LINGO2: variants seen among roughly 807,000 people sequenced by gnomAD.
The protein encoded by LINGO2 is leucine rich repeat and Ig domain containing 2.
In LINGO2, 14 loss-of-function variants were observed where a neutral mutation model predicts 30.6. That is an observed-to-expected ratio of 0.46 (90% CI 0.30 to 0.72). The LOEUF is 0.72. LINGO2 is among the 30% of genes least tolerant of loss of function. LINGO2 has a pLI of 0.07. For synonymous variants in LINGO2, 317 were observed against 288.5 expected, an observed-to-expected ratio of 1.10 and a Z score of -1.00; for missense variants, 729 against 751.7, an observed-to-expected ratio of 0.97 and a Z score of 0.35.
chr9:28,440,967 T>C (rs896573569), intron 2 of LINGO2, among the ~76,000 whole-genome samples: 6 of 152,140 alleles, frequency 3.9e-5, no homozygotes, highest in Non-Finnish European at 4.4e-5. Flanking sequence ...CAAAAAAGCA[T>C]GTGTTGGAAA....
chr9:28,875,438 T>C, the LINGO2 span, among the ~76,000 whole-genome samples: 1 of 152,116 alleles, frequency 6.6e-6, no homozygotes, highest in African/African-American at 2.4e-5. Context: ...AAAAGGACTT[T>C]CACCTATATG....
At chr9:28,920,237 C>T in the LINGO2 span, among the ~76,000 whole-genome samples, 1 of 151,938 alleles carries the variant, frequency 6.6e-6, no homozygotes, top group Non-Finnish European at 1.5e-5. Context: ...CTGATGAAGT[C>T]TGGTACCAAT....
the LINGO2 span, among the ~76,000 whole-genome samples, chr9:29,046,987 G>T: frequency 6.7e-6 from 1 of 149,134 alleles, no homozygotes; most frequent in Non-Finnish European, 1.5e-5. Flanking sequence ...GCTGCGGCAG[G>T]AGAATCACTT....
intron 4 of LINGO2, among the ~76,000 whole-genome samples, chr9:28,236,645 C>A (rs537442956): frequency 6.6e-6 from 1 of 152,106 alleles, no homozygotes; most frequent in Non-Finnish European, 1.5e-5. Flanking sequence ...AAATAAACAT[C>A]ACATATTCTC....
At chr9:28,224,325 A>C (rs148151922) in intron 4 of LINGO2, among the ~76,000 whole-genome samples, 4,457 of 152,250 alleles carry the variant, frequency 0.029, 248 homozygotes, top group African/African-American at 0.1. Flanking sequence ...CGGCCTCCCA[A>C]AGTGCCGGGA....
chr9:28,646,617 C>CT (rs1452888649), intron 1 of LINGO2, among the ~76,000 whole-genome samples: 1 of 151,960 alleles, frequency 6.6e-6, no homozygotes, highest in Admixed American at 6.6e-5. Context: ...GGGAAACACT[C>CT]TTTTTTCAAG....
At chr9:29,108,559 G>A in the LINGO2 span, among the ~76,000 whole-genome samples, 1 of 152,190 alleles carries the variant, frequency 6.6e-6, no homozygotes, top group African/African-American at 2.4e-5. Context: ...GGCCACAAAT[G>A]CATTGCATTA....
At chr9:27,994,139 T>C (rs1364986961) in intron 5 of LINGO2, among the ~76,000 whole-genome samples, 3 of 151,928 alleles carry the variant, frequency 2.0e-5, no homozygotes, top group Non-Finnish European at 4.4e-5. Flanking sequence ...ACCTATAGGA[T>C]ACAGCAAAAG....
At chr9:28,600,779 C>T (rs918489289) in intron 1 of LINGO2, among the ~76,000 whole-genome samples, 15 of 152,100 alleles carry the variant, frequency 9.9e-5, no homozygotes, top group Non-Finnish European at 1.3e-4. Context: ...CATAGAGGCA[C>T]GAGAATAGCC....
At chr9:28,033,787 A>C (rs545515500) in intron 4 of LINGO2, among the ~76,000 whole-genome samples, 2 of 152,334 alleles carry the variant, frequency 1.3e-5, no homozygotes, top group South Asian at 2.1e-4. Context: ...TTAGGAAGAC[A>C]GAAGATGTAG....
At chr9:28,774,859 T>TA in the LINGO2 span, among the ~76,000 whole-genome samples, 152,320 of 152,322 alleles carry the variant, frequency 1, 76,159 homozygotes, top group Non-Finnish European at 1. Context: ...ATGTTTCCCC[T>TA]ATTTTAACAG....
At chr9:28,762,035 G>A in the LINGO2 span, among the ~76,000 whole-genome samples, 2 of 151,582 alleles carry the variant, frequency 1.3e-5, 1 homozygote, top group Non-Finnish European at 3.0e-5. Context: ...TACCTTTGTG[G>A]ACAGGATTTC....
chr9:28,539,131 A>G (rs1288858501), intron 1 of LINGO2, among the ~76,000 whole-genome samples: 1 of 152,096 alleles, frequency 6.6e-6, no homozygotes, highest in East Asian at 1.9e-4. Flanking sequence ...TAAAGATATA[A>G]AAGAAGATAT....
Position 28,148,254 on chromosome 9 carries a change from G to T in LINGO2, c.-86-135849C>A. 1 of 738,702 alleles carries T rather than the reference G, an allele frequency of 1.4e-6. No individual in the cohort carries two copies. The highest frequency in any genetic ancestry group is 1.7e-5 in the South Asian group (1 of 58,782). 45.8% of individuals were successfully genotyped at this position (738,702 alleles called of 1,614,324 possible). A position where few individuals can be genotyped will look rare whatever the true frequency, so the allele number is the denominator to read the frequency against. ...CCTCGGAACATGGGCACCCCACAGA[G>T]GGTCCTGTCTCCTGTGGTCTGGAGC... On this transcript the variant is annotated intron_variant, in intron 4 of 5. Coordinates refer to ENST00000379992, the Ensembl canonical transcript of LINGO2. The surrounding 1 kb of genome is among the most constrained non-coding windows in gnomAD (Gnocchi z 5.1).
chr9:29,079,133 C>G, the LINGO2 span, among the ~76,000 whole-genome samples: 2 of 138,786 alleles, frequency 1.4e-5, no homozygotes, highest in Non-Finnish European at 3.2e-5. Context: ...AGAGGACTAT[C>G]TATGTTGACA....
the LINGO2 span, among the ~76,000 whole-genome samples, chr9:28,944,286 C>G: frequency 1.3e-5 from 2 of 152,184 alleles, no homozygotes; most frequent in Non-Finnish European, 2.9e-5. Context: ...TTTTAGGTAA[C>G]ATCACATTGG....
At chr9:28,805,487 C>A in the LINGO2 span, among the ~76,000 whole-genome samples, 1 of 152,138 alleles carries the variant, frequency 6.6e-6, no homozygotes, top group Admixed American at 6.6e-5. Context: ...CAGAGTTTAG[C>A]CCCTAAGATT....
At chr9:29,181,444 A>T in the LINGO2 span, among the ~76,000 whole-genome samples, 1 of 152,188 alleles carries the variant, frequency 6.6e-6, no homozygotes, top group African/African-American at 2.4e-5. Flanking sequence ...TGAAAAAAAA[A>T]GTTTCCAGCA....
chr9:28,384,329 CTATA>C lies in LINGO2; in HGVS notation c.-278-11465_-278-11462del, dbSNP rs3064858. ...ACTCCCTTCTTTTCCATGTTATGCA[CTATA>C]TATATATATATATATATGCCTGTGT... On this transcript the variant is annotated intron_variant, in intron 2 of 5. Coordinates refer to ENST00000379992, the Ensembl canonical transcript of LINGO2. 8.1e-5 allele frequency among the ~76,000 whole-genome samples: 10 copies of C among 123,318 alleles called. No homozygotes were observed. The South Asian group carries it at 8.4e-4, about 10-fold the overall frequency. The allele number at this position is 123,318 out of a possible 152,430, so 80.9% of individuals were successfully genotyped here.
Sources: gnomAD v4.1 joint callset for allele counts (sites outside exome capture counted in the v4.1 genomes callset) on GRCh38, gnomAD v4.1.1 for gene constraint, Gnocchi (gnomAD v3.1) non-coding constraint, MANE v1.5 for transcripts, NCBI Gene and HGNC (gene_info 2026-07-23, HGNC 2026-07-21) for gene names.